The following STRA8 variants were observed in gnomAD, a reference collection of about 807,000 sequenced individuals.
STRA8 encodes stimulated by retinoic acid 8, also known as stimulated by retinoic acid gene 8 protein homolog.
In STRA8, 18 loss-of-function variants were observed where a neutral mutation model predicts 37.1. That is an observed-to-expected ratio of 0.48 (90% CI 0.34 to 0.72). STRA8 has a LOEUF of 0.72. Ranked by LOEUF, STRA8 falls within the 30% of genes least tolerant of loss-of-function variation. The pLI, the probability that STRA8 is intolerant of heterozygous loss-of-function variation, is 0.01. For missense variants in STRA8, 357 were observed against 410.4 expected (o/e 0.87, Z 1.13); for synonymous variants, 168 against 162.9 (o/e 1.03, Z -0.24).
chr7:135,240,832 G>A, intron 2 of STRA8, 116 bp downstream of exon 2: 1 of 1,179,820 alleles, frequency 8.5e-7, no homozygotes, highest in South Asian at 1.5e-5. Context: ...TTCTGCTGGG[G>A]TAGCGACAAA....
chr7:135,234,309 G>A (rs1374655144), intron 1 of STRA8, among the ~76,000 whole-genome samples: 6 of 152,084 alleles, frequency 3.9e-5, no homozygotes, highest in East Asian at 1.9e-4. Flanking sequence ...GGGTTTCACC[G>A]TGTTGGCTGG....
At chr7:135,233,723 C>T (rs1192976555), upstream of STRA8, among the ~76,000 whole-genome samples, 2 of 152,174 alleles carry the variant, frequency 1.3e-5, no homozygotes, top group Non-Finnish European at 2.9e-5. Flanking sequence ...CCCATTGGCC[C>T]GTCACCACGC....
In STRA8 at chr7:135,258,446, T is replaced by C; in HGVS notation, c.1094T>C (p.Met365Thr). 1 of 1,607,186 alleles carries C rather than the reference T, an allele frequency of 6.2e-7. No individual in the cohort carries two copies. The highest frequency in any genetic ancestry group is 1.1e-5 in the South Asian group (1 of 89,158). The change falls in exon 9 of 9, where the codon ATG (methionine) becomes ACG (threonine). Residue 365 changes from methionine to threonine, a missense_variant. By Grantham distance (81) the Met-to-Thr change is moderately conservative. Coordinates refer to ENST00000662584, the MANE Select transcript of STRA8 (RefSeq NM_001394401.1). ...QEASFPVDEEMIMLQCTETFD... is the reference protein window; with the variant it reads ...QEASFPVDEETIMLQCTETFD... ...GCATCCTTTCCCGTTGATGAAGAGA[T>C]GATCATGTTGCAGTGCACAGAGACC...
chr7:135,235,685 A>G (rs1296499223), intron 1 of STRA8, among the ~76,000 whole-genome samples: 1 of 151,898 alleles, frequency 6.6e-6, no homozygotes, highest in Non-Finnish European at 1.5e-5. Context: ...CAGGTGATTC[A>G]CCCGCCTTGG....
At chr7:135,241,549 GTC>G (rs1562969585) in intron 2 of STRA8, among the ~76,000 whole-genome samples, 1 of 152,164 alleles carries the variant, frequency 6.6e-6, no homozygotes, top group Non-Finnish European at 1.5e-5. Flanking sequence ...TGGCCTCTGT[GTC>G]TCTGCTCATG....
At chr7:135,252,009 A>AGG (rs1347220596) in intron 7 of STRA8, 140 bp downstream of exon 7, 1 of 691,668 alleles carries the variant, frequency 1.4e-6, no homozygotes, top group Non-Finnish European at 2.4e-6. Flanking sequence ...AGGGAGAGAG[A>AGG]GAGAGTGTGT....
intron 6 of STRA8, among the ~76,000 whole-genome samples, chr7:135,247,466 ACTGT>A (rs1267251751): frequency 4.6e-5 from 7 of 152,184 alleles, no homozygotes; most frequent in Non-Finnish European, 1.5e-5. Context: ...GAGCAATCGA[ACTGT>A]CTTTCTTCCT....
intron 7 of STRA8, among the ~76,000 whole-genome samples, chr7:135,253,941 C>T (rs1832671446): frequency 6.6e-6 from 1 of 152,196 alleles, no homozygotes. Context: ...CACAGCTGTC[C>T]CTAGTAACCC....
chr7:135,232,074 T>C, upstream of STRA8: 1 of 1,596,636 alleles, frequency 6.3e-7, no homozygotes, highest in Non-Finnish European at 8.6e-7. Context: ...CCCCCAGGAC[T>C]ACATTTTTTC....
chr7:135,243,321 A>G lies in STRA8; in HGVS notation c.269-5A>G, dbSNP rs1562970248. On this transcript the variant is annotated splice_region_variant and splice_polypyrimidine_tract_variant and intron_variant, in intron 3 of 8. Transcript: ENST00000662584. ...TTGTGTTCCTGGTCTTCAACTCCCC[A>G]ATAGCATCCTTCAACCTGGAAGATG... The G allele has an allele frequency of 6.2e-7, 1 of 1,614,012 alleles. No homozygotes were observed.
At chr7:135,236,284 G>A (rs1383741649) in intron 1 of STRA8, among the ~76,000 whole-genome samples, 3 of 151,564 alleles carry the variant, frequency 2.0e-5, no homozygotes, top group Non-Finnish European at 2.9e-5. Context: ...GTGTATGTGT[G>A]TGTGTGTGTG....
rs182752611 is a variant in STRA8 at position 135,250,545 on chromosome 7, T to C, written c.880-1251T>C. Among the ~76,000 whole-genome samples, 560 of 151,918 alleles carry C rather than the reference T, an allele frequency of 3.7e-3. 2 individuals are homozygous for C. The highest frequency in any genetic ancestry group is 6.2e-3 in the Admixed American group (94 of 15,254). ...AAGGGATTCAGTTCCAGGAAGTCAATTGAAGGAAGACAGAAAGGGCAGACA... is the reference window on the plus strand; with the variant it reads ...AAGGGATTCAGTTCCAGGAAGTCAACTGAAGGAAGACAGAAAGGGCAGACA... On this transcript the variant is annotated intron_variant, in intron 6 of 8. Transcript: ENST00000662584.
chr7:135,235,458 T>A (rs1376368893), intron 1 of STRA8, among the ~76,000 whole-genome samples: 1 of 149,354 alleles, frequency 6.7e-6, no homozygotes, highest in Non-Finnish European at 1.5e-5. Context: ...TTTTTTTTTT[T>A]AAGACAGAGT....
chr7:135,253,848 G>A (rs1343103272), intron 7 of STRA8, among the ~76,000 whole-genome samples: 1 of 152,158 alleles, frequency 6.6e-6, no homozygotes, highest in East Asian at 1.9e-4. Flanking sequence ...GGGTGAGAGG[G>A]ACATATCCTT....
At chr7:135,234,100 G>GATT (rs1172338387) in intron 1 of STRA8, among the ~76,000 whole-genome samples, 197 bp downstream of exon 1, 164 of 147,270 alleles carry the variant, frequency 1.1e-3, no homozygotes, top group African/African-American at 3.9e-3. Flanking sequence ...TGATGATGAT[G>GATT]ATGATTATTA....
At position 135,242,873 on chromosome 7, in the gene STRA8, T is replaced by C; in HGVS notation, c.268+17T>C. On this transcript the variant is annotated intron_variant, in intron 3 of 8. Transcript: ENST00000662584. Reference sequence around the variant, plus strand: ...AGCTGAAAGGTAATGGAGCACTACTTGCCAACCCCATCTCCCTCCCTGGAG... The same window carrying C: ...AGCTGAAAGGTAATGGAGCACTACTCGCCAACCCCATCTCCCTCCCTGGAG... 1 of 1,613,568 alleles carries C rather than the reference T, an allele frequency of 6.2e-7. No homozygotes were observed. Among genetic ancestry groups the C allele is most frequent in the Admixed American group, 1.7e-5 (1 of 60,000 alleles).
At chr7:135,240,756 G>A in intron 2 of STRA8, 40 bp downstream of exon 2, 3 of 1,603,920 alleles carry the variant, frequency 1.9e-6, no homozygotes, top group Non-Finnish European at 2.6e-6. Flanking sequence ...ATCTCCACGG[G>A]GAAGGAGACG....
chr7:135,245,423 G>GGAGGAGGAGGAA lies in STRA8; in HGVS notation c.497_498insGGAAGAGGAGGA (p.Glu175_Glu178dup). On this transcript the variant is annotated inframe_insertion, in exon 5 of 9. Coordinates refer to ENST00000662584, the MANE Select transcript of STRA8 (RefSeq NM_001394401.1). Reference sequence around the variant, plus strand: ...AAGAGGAGGAGGAAGAAGAAGAGGAGGAGGAGGAAGAGGAGGAAGAGGAAG... The same window carrying GGAGGAGGAGGAA: ...AAGAGGAGGAGGAAGAAGAAGAGGAGGAGGAGGAGGAAGAGGAGGAAGAGGAGGAAGAGGAAG... The GGAGGAGGAGGAA allele has an allele frequency of 1.3e-6, 1 of 769,058 alleles. No individual in the cohort carries two copies. Among genetic ancestry groups the GGAGGAGGAGGAA allele is most frequent in the Middle Eastern group, 2.3e-4 (1 of 4,410 alleles). 47.6% of individuals were successfully genotyped at this position (769,058 alleles called of 1,614,324 possible).
intron 1 of STRA8, among the ~76,000 whole-genome samples, 188 bp downstream of exon 1, chr7:135,234,091 G>GATTATTATT (rs1405282437): frequency 7.4e-5 from 11 of 148,892 alleles, no homozygotes; most frequent in African/African-American, 2.5e-4. Flanking sequence ...TGATGATGAT[G>GATTATTATT]ATGATGATGA....
Sources: allele counts gnomAD v4.1 joint callset (sites outside exome capture counted in the v4.1 genomes callset), GRCh38; gene constraint gnomAD v4.1.1; transcripts MANE v1.5; gene names NCBI Gene and HGNC (gene_info 2026-07-23, HGNC 2026-07-21).